The following CAMTA1 variants were observed in gnomAD, a reference collection of about 807,000 sequenced individuals.
CAMTA1 encodes calmodulin-binding transcription activator 1.
CAMTA1 carries 27 observed loss-of-function variants against 170.9 expected under a neutral mutation model. The ratio of observed to expected loss-of-function variants is 0.16; its 90% confidence interval spans 0.12 to 0.22. The LOEUF (loss-of-function observed/expected upper bound fraction) is 0.22. Ranked by LOEUF, CAMTA1 falls within the 10% of genes least tolerant of loss-of-function variation. The pLI, the probability that CAMTA1 is intolerant of heterozygous loss-of-function variation, is 1.00. For synonymous variants in CAMTA1, 833 were observed against 891.5 expected (o/e 0.93, Z 1.17); for missense variants, 1,619 against 2,217.2 (o/e 0.73, Z 5.42).
At chr1:6,952,921 G>T (rs1688755515) in intron 3 of CAMTA1, among the ~76,000 whole-genome samples, 1 of 152,122 alleles carries the variant, frequency 6.6e-6, no homozygotes, top group Non-Finnish European at 1.5e-5. Context: ...GGAAAACAGG[G>T]ATCCCCCGGA....
In CAMTA1 at chr1:7,426,672, G is replaced by A. The variant is rs548450853; in HGVS notation, c.439-41158G>A. Among the ~76,000 whole-genome samples, 1 of 146,668 alleles carries A rather than the reference G, an allele frequency of 6.8e-6. No individual in the cohort carries two copies. The highest frequency in any genetic ancestry group is 1.5e-5 in the Non-Finnish European group (1 of 67,026). The stretch of plus-strand genomic sequence containing the variant: ...TGTGCAAAAAAGCAGGGGTTGGGGC[G>A]GGGGAAAGGTGGAGAAAACTTCGCT... On this transcript the variant is annotated intron_variant, in intron 5 of 22. Transcript: ENST00000303635. The surrounding 1 kb of genome is among the most constrained non-coding windows in gnomAD (Gnocchi z 4.8).
At chr1:7,485,037 T>A (rs2093599491) in intron 6 of CAMTA1, among the ~76,000 whole-genome samples, 1 of 152,076 alleles carries the variant, frequency 6.6e-6, no homozygotes, top group Non-Finnish European at 1.5e-5. Context: ...CCCTGGTGAC[T>A]CTGGGAATGT....
chr1:7,150,455 C>T (rs531794576), intron 4 of CAMTA1, among the ~76,000 whole-genome samples: 1 of 152,316 alleles, frequency 6.6e-6, no homozygotes, highest in Non-Finnish European at 1.5e-5. Context: ...AATGCCTCTA[C>T]ACCCAGGCCT....
At chr1:6,902,338 A>G (rs1257713822) in intron 3 of CAMTA1, among the ~76,000 whole-genome samples, 1 of 152,202 alleles carries the variant, frequency 6.6e-6, no homozygotes, top group Non-Finnish European at 1.5e-5. Context: ...ATGTCATTCA[A>G]CTGGCCAATG....
chr1:7,051,069 G>A (rs866016646), intron 3 of CAMTA1, among the ~76,000 whole-genome samples: 2 of 152,150 alleles, frequency 1.3e-5, no homozygotes, highest in Non-Finnish European at 1.5e-5. Flanking sequence ...TTGGTGAGGC[G>A]CTGCGGCAAG....
intron 11 of CAMTA1, among the ~76,000 whole-genome samples, chr1:7,701,916 TACC>T (rs2096444744): frequency 6.6e-6 from 1 of 152,118 alleles, no homozygotes; most frequent in Non-Finnish European, 1.5e-5. Context: ...AGAACATGAA[TACC>T]ACAAGGAACC....
chr1:7,359,553 A>G (rs1027800750), intron 5 of CAMTA1, among the ~76,000 whole-genome samples: 2 of 152,060 alleles, frequency 1.3e-5, no homozygotes, highest in Admixed American at 6.5e-5. Flanking sequence ...TGAAGCCTTT[A>G]CTTAGAATTC....
Position 7,561,854 on chromosome 1 carries a change from C to T in CAMTA1, c.511-78546C>T, listed in dbSNP as rs571459772. On this transcript the variant is annotated intron_variant, in intron 6 of 22. Coordinates refer to ENST00000303635, the MANE Select transcript of CAMTA1 (RefSeq NM_015215.4). The surrounding 1 kb of genome is among the most constrained non-coding windows in gnomAD (Gnocchi z 5.3). ...GAACGAACCCTCATCCCTGCCTGCA[C>T]GCCGGCCTGGAGGAGGAAGCCATCC... 9.2e-5 allele frequency among the ~76,000 whole-genome samples: 14 copies of T among 152,136 alleles called. No individual in the cohort carries two copies. The highest frequency in any genetic ancestry group is 1.6e-4 in the Non-Finnish European group (11 of 68,024).
chr1:7,402,158 A>C (rs1371058640), intron 5 of CAMTA1, among the ~76,000 whole-genome samples: 2 of 152,194 alleles, frequency 1.3e-5, no homozygotes. Flanking sequence ...TTCCTAATCC[A>C]GGTGTTATTG....
At chr1:7,311,565 T>G (rs1676733550) in intron 5 of CAMTA1, among the ~76,000 whole-genome samples, 1 of 152,206 alleles carries the variant, frequency 6.6e-6, no homozygotes, top group Admixed American at 6.5e-5. Flanking sequence ...TGCCAGATAA[T>G]TCTACCATCT....
chr1:7,297,793 T>G (rs1674186949), intron 5 of CAMTA1, among the ~76,000 whole-genome samples: 1 of 152,214 alleles, frequency 6.6e-6, no homozygotes, highest in Admixed American at 6.5e-5. Flanking sequence ...TGTGTGTTTT[T>G]TTTCTGGCAG....
intron 4 of CAMTA1, among the ~76,000 whole-genome samples, chr1:7,094,188 A>C (rs534899694): frequency 5.4e-4 from 83 of 152,354 alleles, no homozygotes; most frequent in African/African-American, 2.0e-3. Context: ...TTCTTGTCCC[A>C]GGAGAAGCAA....
At chr1:7,047,017 A>G (rs1705491578) in intron 3 of CAMTA1, among the ~76,000 whole-genome samples, 1 of 152,148 alleles carries the variant, frequency 6.6e-6, no homozygotes, top group Non-Finnish European at 1.5e-5. Context: ...GTGGTTGTAC[A>G]ACTGACTTTG....
chr1:6,955,042 G>A (rs951377486), intron 3 of CAMTA1, among the ~76,000 whole-genome samples: 1 of 151,950 alleles, frequency 6.6e-6, no homozygotes, highest in Non-Finnish European at 1.5e-5. Context: ...TTCAATTTTT[G>A]TCTGCGGCTC....
At chr1:6,831,142 A>G (rs374929606) in intron 3 of CAMTA1, among the ~76,000 whole-genome samples, 40 of 152,282 alleles carry the variant, frequency 2.6e-4, no homozygotes, top group African/African-American at 9.4e-4. Flanking sequence ...CTTAATGACT[A>G]TTAGTATGTG....
At chr1:7,644,962 C>T (rs1026721429) in intron 7 of CAMTA1, among the ~76,000 whole-genome samples, 2 of 152,190 alleles carry the variant, frequency 1.3e-5, no homozygotes, top group Non-Finnish European at 2.9e-5. Flanking sequence ...CTGTCTGAGG[C>T]GCCGTCTGAG....
At chr1:7,341,629 AC>A in intron 5 of CAMTA1, among the ~76,000 whole-genome samples, 1 of 151,974 alleles carries the variant, frequency 6.6e-6, no homozygotes, top group East Asian at 1.9e-4. Flanking sequence ...GGTGGTGGTG[AC>A]CCCAGCCAGC....
At chr1:7,640,865 G>A (rs1430898604) in intron 7 of CAMTA1, among the ~76,000 whole-genome samples, 2 of 152,198 alleles carry the variant, frequency 1.3e-5, no homozygotes, top group African/African-American at 4.8e-5. Context: ...CGGGGCCACA[G>A]ACAGGAGTGG....
At position 7,210,442 on chromosome 1, in the gene CAMTA1, G is replaced by A. The variant is rs1008166399; in HGVS notation, c.303-39049G>A. ...TAGTGCATCGTGTTAGAAGGTGCAT[G>A]GTTGCCTGCCCCTTTACTGGGATTG... On this transcript the variant is annotated intron_variant, in intron 4 of 22. Transcript: ENST00000303635. Among the ~76,000 whole-genome samples, 65 of 152,180 alleles carry A rather than the reference G, an allele frequency of 4.3e-4. 1 individual carries two copies. The highest frequency in any genetic ancestry group is 1.8e-3 in the Admixed American group (28 of 15,276).
Sources: gnomAD v4.1 joint callset for allele counts (sites outside exome capture counted in the v4.1 genomes callset) on GRCh38, gnomAD v4.1.1 for gene constraint, Gnocchi (gnomAD v3.1) non-coding constraint, MANE v1.5 for transcripts, NCBI Gene and HGNC (gene_info 2026-07-23, HGNC 2026-07-21) for gene names.